The following GPC4 variants were observed in gnomAD, a reference collection of about 807,000 sequenced individuals.
The protein encoded by GPC4 is glypican 4.
Under a neutral mutation model 35.0 loss-of-function variants are expected in GPC4, and 10 were observed. The observed-to-expected ratio is 0.29, with a 90% CI of 0.18 to 0.48. The LOEUF is 0.48. Ranked by LOEUF, GPC4 falls within the 20% of genes least tolerant of loss-of-function variation. The pLI, the probability that GPC4 is intolerant of heterozygous loss-of-function variation, is 0.99. For synonymous variants in GPC4, 167 were observed against 170.2 expected (o/e 0.98, Z 0.15); for missense variants, 322 against 451.3 (o/e 0.71, Z 2.60).
intron 2 of GPC4, among the ~76,000 whole-genome samples, chrX:133,335,077 C>T (rs1166018377): frequency 9.0e-6 from 1 of 111,574 alleles, no homozygotes; most frequent in Non-Finnish European, 1.9e-5. Context: ...TTATGCCCCA[C>T]TTCTATTTCT....
chrX:133,385,008 T>C (rs1414368878), intron 1 of GPC4, among the ~76,000 whole-genome samples: 2 of 111,910 alleles, frequency 1.8e-5, no homozygotes, highest in African/African-American at 6.5e-5. Flanking sequence ...CTCACATCTG[T>C]TTGTACAAAA....
intron 2 of GPC4, among the ~76,000 whole-genome samples, chrX:133,334,411 A>G (rs1453442607): frequency 8.9e-6 from 1 of 111,835 alleles, no homozygotes; most frequent in Non-Finnish European, 1.9e-5. Context: ...AATTTCTACT[A>G]TTATTCAAGT....
At position 133,354,560 on chromosome X, in the gene GPC4, A is replaced by T. The variant is rs866707974; in HGVS notation, c.161-15219T>A. 2.9e-3 allele frequency among the ~76,000 whole-genome samples: 272 copies of T among 93,653 alleles called. 4 individuals carry two copies. The highest frequency in any genetic ancestry group is 0.01 in the African/African-American group (217 of 20,806). 81.3% of individuals were successfully genotyped at this position (93,653 alleles called of 115,157 possible). On this transcript the variant is annotated intron_variant, in intron 1 of 8. Coordinates refer to ENST00000370828, the MANE Select transcript of GPC4 (RefSeq NM_001448.3). The stretch of plus-strand genomic sequence containing the variant: ...TCATGTTTTATTTATTTATTTATTT[A>T]TTTATTTATTTTTTTTTTTGAGACG...
At chrX:133,364,683 C>T (rs1215031322) in intron 1 of GPC4, among the ~76,000 whole-genome samples, 1 of 112,221 alleles carries the variant, frequency 8.9e-6, no homozygotes, top group African/African-American at 3.2e-5. Flanking sequence ...AGATAACCTT[C>T]TGTTTAATAA....
At chrX:133,332,060 C>A (rs2068422693) in intron 2 of GPC4, among the ~76,000 whole-genome samples, 1 of 111,413 alleles carries the variant, frequency 9.0e-6, no homozygotes, top group South Asian at 3.8e-4. Context: ...TTCTACTTTT[C>A]CAAATTTTCT....
intron 1 of GPC4, among the ~76,000 whole-genome samples, chrX:133,399,475 A>T (rs2068759066): frequency 1.8e-5 from 2 of 111,560 alleles, no homozygotes; most frequent in Admixed American, 1.9e-4. Flanking sequence ...TTTGCTAGCT[A>T]AAGGTGACAT....
intron 1 of GPC4, among the ~76,000 whole-genome samples, chrX:133,355,406 A>T (rs2068537322): frequency 8.9e-6 from 1 of 112,080 alleles, no homozygotes; most frequent in African/African-American, 3.2e-5. Context: ...ATAAAAAAGC[A>T]TTGTTTCGTT....
chrX:133,335,569 G>A, intron 2 of GPC4, among the ~76,000 whole-genome samples: 1 of 111,106 alleles, frequency 9.0e-6, no homozygotes, highest in East Asian at 2.8e-4. Context: ...AATAAAAAAG[G>A]GCCTTAGAGG....
At chrX:133,367,555 T>C (rs890906164) in intron 1 of GPC4, among the ~76,000 whole-genome samples, 3 of 110,993 alleles carry the variant, frequency 2.7e-5, no homozygotes, top group Non-Finnish European at 5.7e-5. Flanking sequence ...CATGGGAGAG[T>C]GAAAGAAGGT....
chrX:133,390,768 A>C (rs1489962001), intron 1 of GPC4, among the ~76,000 whole-genome samples: 1 of 111,761 alleles, frequency 8.9e-6, no homozygotes, highest in Admixed American at 9.5e-5. Context: ...TATAGCTGGA[A>C]AGGATCCTAG....
chrX:133,413,581 C>T (rs964365902), intron 1 of GPC4, among the ~76,000 whole-genome samples: 1 of 109,842 alleles, frequency 9.1e-6, no homozygotes, highest in Non-Finnish European at 1.9e-5. Context: ...CACGGCAAGG[C>T]AAAGGCGCGC....
intron 1 of GPC4, among the ~76,000 whole-genome samples, chrX:133,391,047 A>G (rs1202560459): frequency 1.8e-5 from 2 of 112,290 alleles, no homozygotes; most frequent in Non-Finnish European, 3.8e-5. Flanking sequence ...CCGGAAAGAA[A>G]ATATTTTAGA....
At chrX:133,326,020 G>GT (rs1222355358) in intron 2 of GPC4, among the ~76,000 whole-genome samples, 3 of 77,378 alleles carry the variant, frequency 3.9e-5, no homozygotes, top group African/African-American at 2.8e-4. Flanking sequence ...GGTATGGCTT[G>GT]TGTTTTTTTT....
At chrX:133,409,286 G>A (rs1474684024) in intron 1 of GPC4, among the ~76,000 whole-genome samples, 4 of 88,216 alleles carry the variant, frequency 4.5e-5, no homozygotes, top group African/African-American at 1.7e-4. Flanking sequence ...TCACGCCACT[G>A]CACTCCAGTC....
intron 1 of GPC4, among the ~76,000 whole-genome samples, chrX:133,404,462 G>A (rs908806687): frequency 5.7e-5 from 6 of 104,877 alleles, no homozygotes; most frequent in Non-Finnish European, 1.2e-4. Flanking sequence ...CAGAAGAATC[G>A]CTTGAACCCG....
Position 133,415,050 on chromosome X carries a change from CG to C in GPC4, c.-86del. ...GCAGCGGGCCGAGGGCTGGCGGAGTCGGGGACTAGCGAGTGGAGCTGGAGGG... is the reference window on the plus strand; with the variant it reads ...GCAGCGGGCCGAGGGCTGGCGGAGTCGGGACTAGCGAGTGGAGCTGGAGGG... On this transcript the variant is annotated 5_prime_UTR_variant, in exon 1 of 9. Transcript: ENST00000370828. The C allele has an allele frequency of 2.1e-6, 2 of 967,597 alleles. No individual in the cohort carries two copies. The highest frequency in any genetic ancestry group is 2.8e-6 in the Non-Finnish European group (2 of 704,190). The allele number at this position is 967,597 out of a possible 1,213,427, so 79.7% of individuals were successfully genotyped here.
intron 1 of GPC4, among the ~76,000 whole-genome samples, chrX:133,410,334 T>C (rs1340177854): frequency 8.9e-6 from 1 of 112,469 alleles, no homozygotes; most frequent in Admixed American, 9.4e-5. Context: ...TCATTAGCTA[T>C]AAGATTGTGA....
intron 1 of GPC4, among the ~76,000 whole-genome samples, chrX:133,381,707 T>C (rs2068661254): frequency 8.9e-6 from 1 of 112,551 alleles, no homozygotes; most frequent in Non-Finnish European, 1.9e-5. Context: ...GTTTCTTTGG[T>C]TCCTTTTTAC....
chrX:133,360,469 G>A (rs1216155187), intron 1 of GPC4, among the ~76,000 whole-genome samples: 1 of 110,565 alleles, frequency 9.0e-6, no homozygotes, highest in Admixed American at 9.6e-5. Flanking sequence ...TATAGCAATG[G>A]CTTGCTTATA....
Sources: gnomAD v4.1 joint callset for allele counts (sites outside exome capture counted in the v4.1 genomes callset) on GRCh38, gnomAD v4.1.1 for gene constraint, MANE v1.5 for transcripts, NCBI Gene and HGNC (gene_info 2026-07-23, HGNC 2026-07-21) for gene names.